The following ITGBL1 variants were observed in gnomAD, a reference collection of about 807,000 sequenced individuals.
The protein encoded by ITGBL1 is integrin subunit beta like 1, also known as integrin beta-like protein 1.
In ITGBL1, 51 loss-of-function variants were observed where a neutral mutation model predicts 68.5. The observed-to-expected ratio is 0.74, with a 90% CI of 0.59 to 0.94. ITGBL1 has a LOEUF of 0.94. Ranked by LOEUF, ITGBL1 falls within the 40% of genes least tolerant of loss-of-function variation. The pLI, the probability that ITGBL1 is intolerant of heterozygous loss-of-function variation, is 0.00. For missense variants in ITGBL1, 649 were observed against 647.4 expected (o/e 1.00, Z -0.03); for synonymous variants, 209 against 227.3 (o/e 0.92, Z 0.72).
At chr13:101,599,672 A>G (rs1219281261) in intron 7 of ITGBL1, among the ~76,000 whole-genome samples, 2 of 152,130 alleles carry the variant, frequency 1.3e-5, no homozygotes, top group Admixed American at 1.3e-4. Context: ...CAGTTTTCCC[A>G]GCACCATTTA....
chr13:101,553,781 C>T (rs1426124605), intron 2 of ITGBL1, among the ~76,000 whole-genome samples: 1 of 151,924 alleles, frequency 6.6e-6, no homozygotes, highest in Non-Finnish European at 1.5e-5. Flanking sequence ...GTCCATATTT[C>T]CCCCCTTTTT....
intron 8 of ITGBL1, 128 bp downstream of exon 8, chr13:101,692,829 G>A: frequency 1.4e-6 from 1 of 697,874 alleles, no homozygotes; most frequent in Non-Finnish European, 2.6e-6. Flanking sequence ...ATATACCATT[G>A]AACCTAAAAG....
intron 2 of ITGBL1, among the ~76,000 whole-genome samples, chr13:101,478,340 A>G (rs1013917546): frequency 1.3e-5 from 2 of 152,116 alleles, no homozygotes; most frequent in African/African-American, 4.8e-5. Flanking sequence ...CTTCAACACA[A>G]TAAAAGCCAC....
At chr13:101,508,857 T>A (rs1340506093) in intron 2 of ITGBL1, among the ~76,000 whole-genome samples, 1 of 152,152 alleles carries the variant, frequency 6.6e-6, no homozygotes, top group Non-Finnish European at 1.5e-5. Context: ...AAATTTATTG[T>A]AATAAACTGT....
intron 7 of ITGBL1, among the ~76,000 whole-genome samples, chr13:101,625,467 A>C (rs2031737682): frequency 6.6e-6 from 1 of 152,186 alleles, no homozygotes; most frequent in African/African-American, 2.4e-5. Context: ...TAAGGGTTGC[A>C]GTGGTAGCTC....
At chr13:101,699,457 T>C (rs2034080605) in intron 8 of ITGBL1, among the ~76,000 whole-genome samples, 1 of 152,140 alleles carries the variant, frequency 6.6e-6, no homozygotes, top group Non-Finnish European at 1.5e-5. Flanking sequence ...AAGTGGGAGG[T>C]AATTGAATCA....
At chr13:101,494,844 T>C (rs768590081) in intron 2 of ITGBL1, among the ~76,000 whole-genome samples, 5 of 151,588 alleles carry the variant, frequency 3.3e-5, no homozygotes, top group Non-Finnish European at 7.3e-5. Flanking sequence ...TATGAAATAC[T>C]TAGTGTTAGG....
intron 7 of ITGBL1, among the ~76,000 whole-genome samples, chr13:101,665,536 C>T (rs2033193876): frequency 6.6e-6 from 1 of 151,872 alleles, no homozygotes; most frequent in African/African-American, 2.4e-5. Context: ...TATTTTCTAC[C>T]TATATAATCA....
At chr13:101,498,188 G>A (rs1791400416) in intron 2 of ITGBL1, among the ~76,000 whole-genome samples, 1 of 151,704 alleles carries the variant, frequency 6.6e-6, no homozygotes, top group Non-Finnish European at 1.5e-5. Context: ...ACCTCATATA[G>A]CTTCTATTGG....
chr13:101,670,086 C>A (rs1272788816), intron 7 of ITGBL1, among the ~76,000 whole-genome samples: 2 of 152,172 alleles, frequency 1.3e-5, no homozygotes, highest in African/African-American at 4.8e-5. Flanking sequence ...ATGTCTTCCT[C>A]CAGGATAACT....
At chr13:101,629,068 T>G (rs1304715342) in intron 7 of ITGBL1, among the ~76,000 whole-genome samples, 1 of 152,150 alleles carries the variant, frequency 6.6e-6, no homozygotes, top group African/African-American at 2.4e-5. Context: ...ACCTTTTTGT[T>G]TTGTTTAGTT....
chr13:101,644,835 T>A (rs1406625871), intron 7 of ITGBL1, among the ~76,000 whole-genome samples: 13 of 152,184 alleles, frequency 8.5e-5, no homozygotes, highest in Non-Finnish European at 1.9e-4. Flanking sequence ...AATGAAAATA[T>A]TAGAATGTAT....
At chr13:101,647,282 A>T (rs1206108082) in intron 7 of ITGBL1, among the ~76,000 whole-genome samples, 2 of 152,230 alleles carry the variant, frequency 1.3e-5, no homozygotes, top group African/African-American at 4.8e-5. Flanking sequence ...TAGTTATCCA[A>T]ATTAATATTT....
chr13:101,495,735 T>C lies in ITGBL1; in HGVS notation c.316+41635T>C, dbSNP rs868585734. Among the ~76,000 whole-genome samples the C allele has an allele frequency of 2.0e-5, 3 of 152,186 alleles. No homozygotes were observed. In the South Asian group the frequency reaches 6.2e-4, roughly 32 times the overall value. ...TAGAAGAAGATTAAGGGGGGGTCTT[T>C]AGTTGGAGCTACCAGGGAGGTGTAT... On this transcript the variant is annotated intron_variant, in intron 2 of 10. Transcript: ENST00000376180.
intron 6 of ITGBL1, among the ~76,000 whole-genome samples, chr13:101,597,022 T>A (rs986320573): frequency 6.6e-6 from 1 of 152,150 alleles, no homozygotes; most frequent in Non-Finnish European, 1.5e-5. Flanking sequence ...TTACTCACAC[T>A]CATACAATGT....
intron 2 of ITGBL1, among the ~76,000 whole-genome samples, chr13:101,506,323 A>G (rs1024689594): frequency 6.7e-6 from 1 of 149,384 alleles, no homozygotes; most frequent in Non-Finnish European, 1.5e-5. Context: ...TTTGATTGTT[A>G]AAGACAAAAC....
intron 2 of ITGBL1, among the ~76,000 whole-genome samples, chr13:101,555,379 C>T (rs1056863834): frequency 6.6e-6 from 1 of 152,070 alleles, no homozygotes; most frequent in African/African-American, 2.4e-5. Context: ...GTGTTTTCTT[C>T]TTGTATCCCA....
chr13:101,474,031 G>C (rs1337335979), intron 2 of ITGBL1, among the ~76,000 whole-genome samples: 1 of 152,194 alleles, frequency 6.6e-6, no homozygotes, highest in Admixed American at 6.5e-5. Flanking sequence ...GTTGGCCATG[G>C]AGAGAGATTT....
At chr13:101,513,564 T>G (rs2049148668) in intron 2 of ITGBL1, among the ~76,000 whole-genome samples, 1 of 152,154 alleles carries the variant, frequency 6.6e-6, no homozygotes, top group African/African-American at 2.4e-5. Flanking sequence ...TAAGAGAATG[T>G]TATAATTTTA....
Sources: gnomAD v4.1 joint callset for allele counts (sites outside exome capture counted in the v4.1 genomes callset) on GRCh38, gnomAD v4.1.1 for gene constraint, MANE v1.5 for transcripts, NCBI Gene and HGNC (gene_info 2026-07-23, HGNC 2026-07-21) for gene names.